The following MTUS2 variants were observed in gnomAD, a reference collection of about 807,000 sequenced individuals.
MTUS2 encodes microtubule-associated tumor suppressor candidate 2.
In MTUS2, 40 loss-of-function variants were observed where a neutral mutation model predicts 114.1. That is an observed-to-expected ratio of 0.35 (90% CI 0.27 to 0.46). The LOEUF (loss-of-function observed/expected upper bound fraction) is 0.46. Among genes scored for constraint, MTUS2 ranks in the 20% least tolerant of loss-of-function variants. The pLI is 1.00. For synonymous variants in MTUS2, 688 were observed against 672.0 expected, an observed-to-expected ratio of 1.02 and a Z score of -0.37; for missense variants, 1,679 against 1,705.4, an observed-to-expected ratio of 0.98 and a Z score of 0.27.
chr13:29,300,807 GCACAGAGCTTATCATC>G (rs1206701085), intron 6 of MTUS2, among the ~76,000 whole-genome samples: 2 of 152,122 alleles, frequency 1.3e-5, no homozygotes, highest in African/African-American at 4.8e-5. Flanking sequence ...GGATTCACTA[GCACAGAGCTTATCATC>G]CACAGGCTTT....
At chr13:29,376,031 ATATATATATGTGTGTG>A (rs1871710918) in intron 8 of MTUS2, among the ~76,000 whole-genome samples, 1 of 45,234 alleles carries the variant, frequency 2.2e-5, no homozygotes, top group African/African-American at 4.2e-5. Context: ...GTGTGTGTAT[ATATATATATGTGTGTG>A]TGTGTGTGTG....
rs1163959859 is a variant in MTUS2 at position 29,465,811 on chromosome 13, A to G, written c.3185-14339A>G. On this transcript the variant is annotated intron_variant, in intron 9 of 15. Transcript: ENST00000612955. ...GGCCTCTGCTCCATAAGGTTGCATT[A>G]CCTTCATTTTCTAGTTAAAGGTCGC... is the stretch of plus-strand genomic sequence containing the variant. Among the ~76,000 whole-genome samples the G allele has an allele frequency of 2.0e-5, 3 of 152,188 alleles. No individual in the cohort carries two copies. In the South Asian group the frequency reaches 6.2e-4, roughly 32 times the overall value.
In MTUS2 at chr13:28,874,882, T is replaced by C. The variant is rs116277906; in HGVS notation, c.-243+35032T>C. 4.5e-3 allele frequency among the ~76,000 whole-genome samples: 684 copies of C among 152,302 alleles called. 4 individuals carry two copies. Among genetic ancestry groups the C allele is most frequent in the African/African-American group, 0.016 (653 of 41,574 alleles). ...AAAATTTTGTTTTGTTTGAAGTAGA[T>C]TCCCTCTAAGAGGTCTTGATTTGGT... On this transcript the variant is annotated intron_variant, in intron 2 of 15. Transcript: ENST00000612955.
intron 5 of MTUS2, among the ~76,000 whole-genome samples, chr13:29,144,430 C>T (rs547478714): frequency 2.6e-5 from 4 of 150,960 alleles, no homozygotes; most frequent in African/African-American, 7.3e-5. Flanking sequence ...GTGGTGCAGT[C>T]GTGGCTCACT....
chr13:29,319,229 T>C (rs894291447), intron 6 of MTUS2, among the ~76,000 whole-genome samples: 2 of 152,202 alleles, frequency 1.3e-5, no homozygotes, highest in African/African-American at 4.8e-5. Context: ...TAATTCAAAC[T>C]GCCTTAGGCA....
intron 2 of MTUS2, among the ~76,000 whole-genome samples, chr13:28,945,574 T>C (rs1231964349): frequency 6.6e-6 from 1 of 152,214 alleles, no homozygotes; most frequent in Non-Finnish European, 1.5e-5. Flanking sequence ...TTCTGATGAT[T>C]AGTGACGTCC....
At chr13:29,002,158 C>T (rs1794819873) in intron 2 of MTUS2, among the ~76,000 whole-genome samples, 1 of 152,124 alleles carries the variant, frequency 6.6e-6, no homozygotes, top group South Asian at 2.1e-4. Flanking sequence ...GAAATGAATG[C>T]AGTGAAGATA....
chr13:29,479,975 G>T (rs1593493609), intron 9 of MTUS2, 175 bp from the exon 10 acceptor site: 1 of 589,862 alleles, frequency 1.7e-6, no homozygotes, highest in Non-Finnish European at 2.9e-6. Context: ...AGGGTCTGTT[G>T]TGAGGATCTA....
At chr13:29,176,667 TC>T (rs904456224) in intron 5 of MTUS2, among the ~76,000 whole-genome samples, 2 of 152,180 alleles carry the variant, frequency 1.3e-5, no homozygotes, top group Admixed American at 1.3e-4. Flanking sequence ...AGTTCACTAA[TC>T]CCTTTCACGA....
Position 29,486,412 on chromosome 13 carries a change from C to A in MTUS2, c.3400-1488C>A, listed in dbSNP as rs1366431629. On this transcript the variant is annotated intron_variant, in intron 10 of 15. Transcript: ENST00000612955. ...TTAAAACAAATATATCCTCACGTGTCAACTTCACAGTCAGGCTTCCTTTCT... is the reference window on the plus strand; with the variant it reads ...TTAAAACAAATATATCCTCACGTGTAAACTTCACAGTCAGGCTTCCTTTCT... Among the ~76,000 whole-genome samples the A allele has an allele frequency of 1.4e-4, 22 of 152,186 alleles. 1 individual carries two copies. The highest frequency in any genetic ancestry group is 1.4e-3 in the Admixed American group (22 of 15,282).
rs188390521 is a variant in MTUS2, at chr13:29,333,131, A to T, written c.2905+8420A>T. ...TTTGCTTTAATTTCATTCCTTACCC[A>T]GTAGTCATTCAGGAGCAGGTTGTTC... On this transcript the variant is annotated intron_variant, in intron 7 of 15. Transcript: ENST00000612955. Among the ~76,000 whole-genome samples the T allele has an allele frequency of 2.8e-3, 425 of 152,208 alleles. 6 individuals are homozygous for T. The highest frequency in any genetic ancestry group is 0.025 in the Admixed American group (386 of 15,282).
At chr13:28,956,706 G>A (rs569794844) in intron 2 of MTUS2, among the ~76,000 whole-genome samples, 1 of 152,332 alleles carries the variant, frequency 6.6e-6, no homozygotes, top group South Asian at 2.1e-4. Context: ...GAGGGAGTGA[G>A]GGAGCAGTGG....
At chr13:28,892,083 G>GT (rs1331420912) in intron 2 of MTUS2, among the ~76,000 whole-genome samples, 4 of 152,032 alleles carry the variant, frequency 2.6e-5, no homozygotes, top group Non-Finnish European at 4.4e-5. Flanking sequence ...TTCTAGGCTT[G>GT]TAAGAGTCTA....
In MTUS2 at chr13:29,024,561, A is replaced by T; in HGVS notation, c.-138A>T. On this transcript the variant is annotated 5_prime_UTR_variant, in exon 3 of 16. The change creates a premature stop within an existing upstream ORF in the 5' untranslated region. Transcript: ENST00000612955. ...TTTTCAAGCTGTTCTGAGAATGATT[A>T]AAGCAGTGTCGCAAGGTGACATTGT... The T allele has an allele frequency of 2.0e-6, 2 of 1,009,796 alleles. No individual in the cohort carries two copies. The highest frequency in any genetic ancestry group is 2.9e-6 in the Non-Finnish European group (2 of 683,154). The allele number at this position is 1,009,796 out of a possible 1,614,324, so 62.6% of individuals were successfully genotyped here.
chr13:28,871,373 C>T (rs1035758805), intron 2 of MTUS2, among the ~76,000 whole-genome samples: 7 of 152,000 alleles, frequency 4.6e-5, no homozygotes, highest in Non-Finnish European at 1.0e-4. Flanking sequence ...GTGTGGGCAT[C>T]TGGACTTTAT....
intron 2 of MTUS2, among the ~76,000 whole-genome samples, chr13:28,840,360 G>A (rs1480303734): frequency 6.6e-6 from 1 of 152,158 alleles, no homozygotes; most frequent in African/African-American, 2.4e-5. Context: ...CAAGACCACA[G>A]AAAGCTTAAA....
At chr13:29,041,801 G>T (rs1433713866) in intron 4 of MTUS2, among the ~76,000 whole-genome samples, 1 of 152,112 alleles carries the variant, frequency 6.6e-6, no homozygotes, top group Non-Finnish European at 1.5e-5. Flanking sequence ...CTACTGATCT[G>T]TGTATATTGA....
At chr13:29,342,165 T>C (rs548550687) in intron 7 of MTUS2, among the ~76,000 whole-genome samples, 7 of 152,118 alleles carry the variant, frequency 4.6e-5, no homozygotes, top group Non-Finnish European at 8.8e-5. Context: ...ATTTTAGAAT[T>C]GTTTTTTTCT....
Position 29,389,508 on chromosome 13 carries a change from CGTGT to C in MTUS2, c.3117+30040_3117+30043del, listed in dbSNP as rs1233462818. Among the ~76,000 whole-genome samples, 3 of 69,566 alleles carry C rather than the reference CGTGT, an allele frequency of 4.3e-5. 1 individual carries two copies. Among genetic ancestry groups the C allele is most frequent in the Non-Finnish European group, 3.1e-5 (1 of 32,638 alleles). The allele number at this position is 69,566 out of a possible 152,430, so 45.6% of individuals were successfully genotyped here. On this transcript the variant is annotated intron_variant, in intron 8 of 15. Coordinates refer to ENST00000612955, the MANE Select transcript of MTUS2 (RefSeq NM_001033602.4). ...GTGTGTATGTGTATATATGTATACACGTGTGTGTATGTGTATATATGTATACACG... is the reference window on the plus strand; with the variant it reads ...GTGTGTATGTGTATATATGTATACACGTGTATGTGTATATATGTATACACG...
Sources: gnomAD v4.1 joint callset for allele counts (sites outside exome capture counted in the v4.1 genomes callset) on GRCh38, gnomAD v4.1.1 for gene constraint, MANE v1.5 for transcripts, NCBI Gene and HGNC (gene_info 2026-07-23, HGNC 2026-07-21) for gene names.